Variants in PSTPIP1 observed in about 807,000 individuals in gnomAD.
PSTPIP1 encodes the protein proline-serine-threonine phosphatase interacting protein 1.
Under a neutral mutation model 69.6 loss-of-function variants are expected in PSTPIP1, and 66 were observed. The ratio of observed to expected loss-of-function variants is 0.95; its 90% CI spans 0.78 to 1.16. The LOEUF (loss-of-function observed/expected upper bound fraction) is 1.16. Among genes scored for constraint, PSTPIP1 ranks in the 50% most tolerant of loss-of-function variants. PSTPIP1 has a pLI of 0.00. For missense variants in PSTPIP1, 603 were observed against 557.4 expected, an observed-to-expected ratio of 1.08 and a Z score of -0.82; for synonymous variants, 266 against 222.7, an observed-to-expected ratio of 1.19 and a Z score of -1.73.
Position 77,037,437 on chromosome 15 carries a change from C to T in PSTPIP1, c.*261C>T. 2.7e-6 allele frequency: 1 copy of T among 369,748 alleles called. No individual in the cohort carries two copies. Among genetic ancestry groups the T allele is most frequent in the Admixed American group, 3.9e-5 (1 of 25,972 alleles). 22.9% of individuals were successfully genotyped at this position (369,748 alleles called of 1,614,324 possible). On this transcript the variant is annotated 3_prime_UTR_variant, in exon 15 of 15. Coordinates refer to ENST00000558012, the MANE Select transcript of PSTPIP1 (RefSeq NM_003978.5). ...GGGAAGGAGCCTGGATGTGGAGCTC[C>T]CCAACTCAGCCGAGGCTTCAGCTAT... is the stretch of plus-strand genomic sequence containing the variant.
rs118156980 is a variant in PSTPIP1 at position 77,017,052 on chromosome 15, G to A, written c.37-1096G>A. Reference sequence around the variant, plus strand: ...GGATAGAAAGGAAGACAGACTAGGTGCGGAATGTCAGGCCTGCCTTGGTGC... The same window carrying A: ...GGATAGAAAGGAAGACAGACTAGGTACGGAATGTCAGGCCTGCCTTGGTGC... On this transcript the variant is annotated intron_variant, in intron 1 of 14. Transcript: ENST00000558012. Among the ~76,000 whole-genome samples, 132 of 152,254 alleles carry A rather than the reference G, an allele frequency of 8.7e-4. 1 individual carries two copies. The East Asian group carries it at 0.025, about 29-fold the overall frequency.
chr15:77,026,551 A>T (rs1442896329), intron 5 of PSTPIP1, among the ~76,000 whole-genome samples: 1 of 152,232 alleles, frequency 6.6e-6, no homozygotes, highest in Non-Finnish European at 1.5e-5. Flanking sequence ...AGGATGGGAC[A>T]CATATGTCTA....
chr15:77,014,700 G>T (rs557416491), intron 1 of PSTPIP1, among the ~76,000 whole-genome samples: 2 of 152,328 alleles, frequency 1.3e-5, no homozygotes, highest in African/African-American at 2.4e-5. Flanking sequence ...CTCAAGCCGT[G>T]GGGGTGTGGA....
chr15:77,017,535 G>T (rs915075095), intron 1 of PSTPIP1, among the ~76,000 whole-genome samples: 1 of 152,200 alleles, frequency 6.6e-6, no homozygotes, highest in Non-Finnish European at 1.5e-5. Flanking sequence ...CCGTGAGGGG[G>T]GGTTTCCTGA....
intron 1 of PSTPIP1, among the ~76,000 whole-genome samples, chr15:76,998,525 T>C (rs2075629924): frequency 6.6e-6 from 1 of 152,192 alleles, no homozygotes; most frequent in Non-Finnish European, 1.5e-5. Context: ...ATGAGCTTGG[T>C]CATGGGGTCT....
intron 6 of PSTPIP1, 102 bp from the exon 7 acceptor site, chr15:77,028,452 C>T: frequency 9.5e-7 from 1 of 1,047,198 alleles, no homozygotes; most frequent in Non-Finnish European, 1.4e-6. Context: ...CACCCGCAAC[C>T]CTCGCCAGGG....
Position 77,035,951 on chromosome 15 carries a change from C to A in PSTPIP1, c.1119+16C>A, listed in dbSNP as rs1277598181. ...TACAGCGCAGGTGAGGCCTCTATACCCCAAACCCACCTGTGCCACCTCCCC... is the reference window on the plus strand; with the variant it reads ...TACAGCGCAGGTGAGGCCTCTATACACCAAACCCACCTGTGCCACCTCCCC... On this transcript the variant is annotated intron_variant, in intron 14 of 14. Coordinates refer to ENST00000558012, the MANE Select transcript of PSTPIP1 (RefSeq NM_003978.5). The A allele has an allele frequency of 2.5e-6, 4 of 1,576,776 alleles. No homozygotes were observed. The highest frequency in any genetic ancestry group is 1.1e-5 in the South Asian group (1 of 87,198).
intron 13 of PSTPIP1, 43 bp downstream of exon 13, chr15:77,035,606 G>A: frequency 6.5e-7 from 1 of 1,544,876 alleles, no homozygotes; most frequent in Non-Finnish European, 8.8e-7. Context: ...ACTGATCCTG[G>A]GGGGGAGGAG....
intron 3 of PSTPIP1, chr15:77,024,476 C>A (rs927263368): frequency 6.6e-6 from 1 of 152,130 alleles, no homozygotes; most frequent in Non-Finnish European, 1.5e-5. Flanking sequence ...AGGGGGCAGC[C>A]GAGCTGCTCC....
chr15:77,029,428 C>A, intron 7 of PSTPIP1, 101 bp from the exon 8 acceptor site: 17 of 1,406,464 alleles, frequency 1.2e-5, no homozygotes, highest in Non-Finnish European at 1.7e-5. Flanking sequence ...AATGTTCCCC[C>A]CAGGGTGGCC....
intron 1 of PSTPIP1, among the ~76,000 whole-genome samples, chr15:77,003,137 G>T (rs1052623975): frequency 2.6e-5 from 4 of 152,196 alleles, no homozygotes; most frequent in African/African-American, 7.2e-5. Context: ...CTCTGGTGGT[G>T]GCTGTTTCCT....
intron 3 of PSTPIP1, 72 bp downstream of exon 3, chr15:77,018,603 A>G: frequency 7.0e-7 from 1 of 1,430,184 alleles, no homozygotes; most frequent in East Asian, 2.5e-5. Flanking sequence ...GATGAGGTTT[A>G]GGTCTTCCTG....
chr15:77,023,109 C>A (rs2076197364), intron 3 of PSTPIP1, among the ~76,000 whole-genome samples: 1 of 152,258 alleles, frequency 6.6e-6, no homozygotes, highest in Admixed American at 6.5e-5. Flanking sequence ...TTCCTTACAG[C>A]ACCCCTCAGC....
intron 3 of PSTPIP1, among the ~76,000 whole-genome samples, chr15:77,019,115 A>G (rs35863239): frequency 0.63 from 95,838 of 152,132 alleles, 31,492 homozygotes; most frequent in Middle Eastern, 0.74. Context: ...GCCGTCAGGG[A>G]AGTGGCTCTG....
chr15:77,022,792 G>A (rs1048750458), intron 3 of PSTPIP1, among the ~76,000 whole-genome samples: 3 of 152,214 alleles, frequency 2.0e-5, no homozygotes, highest in East Asian at 1.9e-4. Context: ...TTCCAGCAAC[G>A]GGGACAGGGG....
intron 1 of PSTPIP1, among the ~76,000 whole-genome samples, chr15:77,017,561 A>T (rs115902547): frequency 6.6e-6 from 1 of 152,160 alleles, no homozygotes; most frequent in Non-Finnish European, 1.5e-5. Flanking sequence ...CAGAGAGCCC[A>T]GCGCAGCATC....
At chr15:77,019,789 A>G in intron 3 of PSTPIP1, among the ~76,000 whole-genome samples, 1 of 152,218 alleles carries the variant, frequency 6.6e-6, no homozygotes, top group Non-Finnish European at 1.5e-5. Context: ...GGCTCAGGAC[A>G]TGGTGAGGAG....
chr15:77,009,227 G>C (rs1299816919), intron 1 of PSTPIP1, among the ~76,000 whole-genome samples: 1 of 152,152 alleles, frequency 6.6e-6, no homozygotes, highest in Non-Finnish European at 1.5e-5. Flanking sequence ...CCGAGGCCCT[G>C]AACCTGCTGA....
At chr15:77,029,641 C>T in intron 8 of PSTPIP1, 67 bp downstream of exon 8, 2 of 1,472,134 alleles carry the variant, frequency 1.4e-6, no homozygotes, top group Non-Finnish European at 1.9e-6. Context: ...ACACACACCT[C>T]CTCACCCTGG....
Sources: allele counts gnomAD v4.1 joint callset (sites outside exome capture counted in the v4.1 genomes callset), GRCh38; gene constraint gnomAD v4.1.1; transcripts MANE v1.5; gene names NCBI Gene and HGNC (gene_info 2026-07-23, HGNC 2026-07-21).